Variants in LRRC37A2 observed in about 807,000 individuals in gnomAD.
The protein encoded by LRRC37A2 is leucine-rich repeat-containing protein 37A2.
A neutral mutation model predicts 68.8 loss-of-function variants in LRRC37A2; 9 were observed. The observed-to-expected ratio is 0.13, with a 90% CI of 0.08 to 0.23. LRRC37A2 has a LOEUF of 0.23. Ranked by LOEUF, LRRC37A2 falls within the 10% of genes least tolerant of loss-of-function variation. The pLI is 1.00. For synonymous variants in LRRC37A2, 63 were observed against 367.6 expected, an observed-to-expected ratio of 0.17 and a Z score of 9.48; for missense variants, 168 against 950.4, an observed-to-expected ratio of 0.18 and a Z score of 10.82.
chr17:46,773,623 T>TGCCCCCCCC, the LRRC37A2 span: 7 of 383,492 alleles, frequency 1.8e-5, no homozygotes, highest in Non-Finnish European at 3.6e-5. Flanking sequence ...TCCTGATCCC[T>TGCCCCCCCC]CCCCCCACCC....
chr17:46,631,101 C>CACACACACAT, the LRRC37A2 span, among the ~76,000 whole-genome samples: 1 of 146,306 alleles, frequency 6.8e-6, no homozygotes, highest in Non-Finnish European at 1.5e-5. Flanking sequence ...CACACACACA[C>CACACACACAT]ACACATCTTT....
At chr17:46,933,070 T>C in the LRRC37A2 span, 152,401 of 152,406 alleles carry the variant, frequency 1, 76,198 homozygotes, top group Middle Eastern at 1. Flanking sequence ...GCAGTCAAGT[T>C]ACAGTGTTTA....
chr17:47,001,339 C>T, the LRRC37A2 span, among the ~76,000 whole-genome samples: 1 of 152,196 alleles, frequency 6.6e-6, no homozygotes, highest in Non-Finnish European at 1.5e-5. Context: ...AATTGCACAG[C>T]ACGCCGGCCT....
At chr17:46,995,049 G>A in the LRRC37A2 span, among the ~76,000 whole-genome samples, 1 of 152,312 alleles carries the variant, frequency 6.6e-6, no homozygotes, top group African/African-American at 2.4e-5. Flanking sequence ...CTTGAGCCTG[G>A]GAGGTAGAGG....
At chr17:46,997,283 C>T in the LRRC37A2 span, among the ~76,000 whole-genome samples, 136,586 of 152,012 alleles carry the variant, frequency 0.9, 62,108 homozygotes, top group East Asian at 0.99. Context: ...ACCCAGGAGG[C>T]GGAGGTTGCA....
chr17:46,938,570 G>T, the LRRC37A2 span: 9 of 1,578,754 alleles, frequency 5.7e-6, no homozygotes, highest in Admixed American at 1.7e-5. Flanking sequence ...CTTGATGTTT[G>T]TTTTTTTTTC....
the LRRC37A2 span, among the ~76,000 whole-genome samples, chr17:46,501,953 G>C: frequency 1.3e-5 from 2 of 151,240 alleles, 1 homozygote; most frequent in African/African-American, 4.9e-5. Flanking sequence ...TGACTGAAAT[G>C]ATTACCTGTG....
chr17:46,840,955 C>T, the LRRC37A2 span, among the ~76,000 whole-genome samples: 1 of 152,268 alleles, frequency 6.6e-6, no homozygotes, highest in African/African-American at 2.4e-5. Context: ...GAAGTGGAGG[C>T]AGAAAGCAGC....
chr17:46,977,994 T>G, the LRRC37A2 span, among the ~76,000 whole-genome samples: 1 of 152,336 alleles, frequency 6.6e-6, no homozygotes, highest in South Asian at 2.1e-4. Context: ...CTTTCCTCGC[T>G]CTGGCCTCCG....
At chr17:46,986,595 G>C in the LRRC37A2 span, among the ~76,000 whole-genome samples, 1 of 152,210 alleles carries the variant, frequency 6.6e-6, no homozygotes, top group Non-Finnish European at 1.5e-5. Flanking sequence ...GTCACAACAA[G>C]GGAATGTAGC....
At chr17:46,976,259 G>A in the LRRC37A2 span, among the ~76,000 whole-genome samples, 1 of 150,922 alleles carries the variant, frequency 6.6e-6, no homozygotes, top group Non-Finnish European at 1.5e-5. Context: ...TTGGCTGGGC[G>A]CAGTGGCTGA....
At chr17:46,765,052 G>C in the LRRC37A2 span, among the ~76,000 whole-genome samples, 1 of 152,254 alleles carries the variant, frequency 6.6e-6, no homozygotes, top group Non-Finnish European at 1.5e-5. Flanking sequence ...TGTCCAAATG[G>C]GAGAGAGCCT....
At chr17:46,837,047 A>G in the LRRC37A2 span, among the ~76,000 whole-genome samples, 1 of 152,068 alleles carries the variant, frequency 6.6e-6, no homozygotes, top group Non-Finnish European at 1.5e-5. Flanking sequence ...GGTTCAAGCA[A>G]TTCTCCTGCC....
chr17:47,002,387 TA>T, the LRRC37A2 span, among the ~76,000 whole-genome samples: 2 of 130,722 alleles, frequency 1.5e-5, no homozygotes, highest in South Asian at 2.5e-4. Context: ...TTTTTATTTT[TA>T]TTTTTTTTTT....
chr17:46,978,689 G>C, the LRRC37A2 span: 2 of 1,610,922 alleles, frequency 1.2e-6, no homozygotes, highest in Admixed American at 3.3e-5. Context: ...TTGGAGGGCC[G>C]GCGCTCCTGC....
chr17:46,492,930 G>A, the LRRC37A2 span, among the ~76,000 whole-genome samples: 4 of 149,454 alleles, frequency 2.7e-5, no homozygotes, highest in South Asian at 6.2e-4. Flanking sequence ...TCCTGACCTC[G>A]TGATCCGCCC....
At chr17:46,850,014 A>C in the LRRC37A2 span, among the ~76,000 whole-genome samples, 1 of 152,034 alleles carries the variant, frequency 6.6e-6, no homozygotes, top group African/African-American at 2.4e-5. Flanking sequence ...CACCCGGCTA[A>C]TGTCTTTGTA....
chr17:46,879,325 G>A, the LRRC37A2 span, among the ~76,000 whole-genome samples: 52 of 152,208 alleles, frequency 3.4e-4, no homozygotes, highest in African/African-American at 1.3e-3. Context: ...GGTCTGTCTC[G>A]GAGCTGGTAA....
At chr17:46,898,433 C>T in the LRRC37A2 span, among the ~76,000 whole-genome samples, 1 of 152,212 alleles carries the variant, frequency 6.6e-6, no homozygotes, top group Non-Finnish European at 1.5e-5. Flanking sequence ...AAGGTTGTCC[C>T]AGGAAGAGGG....
Sources: allele counts gnomAD v4.1 joint callset (sites outside exome capture counted in the v4.1 genomes callset), GRCh38; gene constraint gnomAD v4.1.1; transcripts MANE v1.5; gene names NCBI Gene and HGNC (gene_info 2026-07-23, HGNC 2026-07-21).